KCNIP4: variants seen among roughly 807,000 people sequenced by gnomAD.
The protein encoded by KCNIP4 is potassium voltage-gated channel interacting protein 4, also known as Kv channel-interacting protein 4.
Under a neutral mutation model 34.0 loss-of-function variants are expected in KCNIP4, and 12 were observed. The observed-to-expected ratio is 0.35, with a 90% CI of 0.23 to 0.57. The LOEUF is 0.57. Ranked by LOEUF, KCNIP4 falls within the 20% of genes least tolerant of loss-of-function variation. KCNIP4 has a pLI of 0.83. For missense variants in KCNIP4, 238 were observed against 311.7 expected (o/e 0.76, Z 1.78); for synonymous variants, 124 against 102.2 (o/e 1.21, Z -1.29).
chr4:21,819,023 C>T (rs998068650), intron 1 of KCNIP4, among the ~76,000 whole-genome samples: 1 of 152,190 alleles, frequency 6.6e-6, no homozygotes, highest in African/African-American at 2.4e-5. Context: ...AGCATGACCA[C>T]ACTTTAAGCC....
At chr4:21,423,166 A>G (rs1275839788) in intron 1 of KCNIP4, among the ~76,000 whole-genome samples, 2 of 152,264 alleles carry the variant, frequency 1.3e-5, no homozygotes, top group African/African-American at 2.4e-5. Context: ...TTTCTTTTGC[A>G]CTCAGACGCT....
intron 1 of KCNIP4, among the ~76,000 whole-genome samples, chr4:21,001,632 A>C (rs1235906480): frequency 6.6e-6 from 1 of 152,082 alleles, no homozygotes; most frequent in Non-Finnish European, 1.5e-5. Flanking sequence ...AAGCAATGAC[A>C]ACAGTAATTT....
At chr4:21,434,759 T>A (rs1439873533) in intron 1 of KCNIP4, among the ~76,000 whole-genome samples, 1 of 117,670 alleles carries the variant, frequency 8.5e-6, no homozygotes, top group Non-Finnish European at 1.8e-5. Context: ...CCCACAACCC[T>A]GTCTGTGGGG....
At chr4:20,732,590 T>C (rs1274612490) in intron 7 of KCNIP4, 91 bp downstream of exon 7, 1 of 787,026 alleles carries the variant, frequency 1.3e-6, no homozygotes, top group African/African-American at 1.7e-5. Flanking sequence ...TTATTTTCCT[T>C]TGCTCTCTTT....
intron 1 of KCNIP4, among the ~76,000 whole-genome samples, chr4:21,067,585 A>C (rs1209234091): frequency 6.6e-6 from 1 of 152,146 alleles, no homozygotes; most frequent in Non-Finnish European, 1.5e-5. Context: ...GAAGGACATA[A>C]GCCTGGATAA....
intron 1 of KCNIP4, among the ~76,000 whole-genome samples, chr4:21,694,421 T>C (rs1480266305): frequency 1.3e-5 from 2 of 152,114 alleles, no homozygotes; most frequent in Non-Finnish European, 2.9e-5. Flanking sequence ...TTGCTATACA[T>C]AACAAATAAA....
In KCNIP4 at chr4:21,832,832, T is replaced by C. The variant is rs1723078893; in HGVS notation, c.61+115739A>G. Among the ~76,000 whole-genome samples, 5 of 148,886 alleles carry C rather than the reference T, an allele frequency of 3.4e-5. No homozygotes were observed. In the South Asian group the frequency reaches 1.1e-3, roughly 32 times the overall value. On this transcript the variant is annotated intron_variant, in intron 1 of 8. Transcript: ENST00000382152. ...TTCAATTCCCACCTATGAGTGAGAA[T>C]ATGCGGTGTTTGGTTTTTTGTTCTT... is the stretch of plus-strand genomic sequence containing the variant.
chr4:21,060,025 A>G (rs1743776244), intron 1 of KCNIP4, among the ~76,000 whole-genome samples: 1 of 152,178 alleles, frequency 6.6e-6, no homozygotes, highest in African/African-American at 2.4e-5. Context: ...TATGGGAACA[A>G]CCTATACCTA....
At chr4:21,940,176 G>GACTGAAATGTAAGGTTTA (rs1730123334) in intron 1 of KCNIP4, among the ~76,000 whole-genome samples, 1 of 152,158 alleles carries the variant, frequency 6.6e-6, no homozygotes, top group Non-Finnish European at 1.5e-5. Flanking sequence ...ATAATGTAAT[G>GACTGAAATGTAAGGTTTA]TCTTTAGGTG....
intron 1 of KCNIP4, among the ~76,000 whole-genome samples, chr4:21,514,715 TA>T (rs951960633): frequency 2.0e-5 from 3 of 151,818 alleles, no homozygotes; most frequent in Non-Finnish European, 4.4e-5. Flanking sequence ...ACTGTTAAAT[TA>T]AAACAAAAAA....
chr4:21,052,992 G>T (rs532959434), intron 1 of KCNIP4, among the ~76,000 whole-genome samples: 1 of 151,678 alleles, frequency 6.6e-6, no homozygotes, highest in South Asian at 2.1e-4. Context: ...AGATCAATCT[G>T]AGAGAGAAAG....
chr4:21,591,457 C>A (rs1163261339), intron 1 of KCNIP4, among the ~76,000 whole-genome samples: 1 of 151,922 alleles, frequency 6.6e-6, no homozygotes, highest in African/African-American at 2.4e-5. Flanking sequence ...TTTGTAACTA[C>A]GTAAATTAAA....
chr4:21,780,288 T>A (rs1004373809), intron 1 of KCNIP4, among the ~76,000 whole-genome samples: 1 of 151,922 alleles, frequency 6.6e-6, no homozygotes, highest in South Asian at 2.1e-4. Flanking sequence ...CTTGCCCAAC[T>A]CCCAAAGGGT....
chr4:20,972,941 A>G (rs1018869502), intron 1 of KCNIP4, among the ~76,000 whole-genome samples: 5 of 152,214 alleles, frequency 3.3e-5, no homozygotes, highest in African/African-American at 1.2e-4. Flanking sequence ...TCAAACTAGA[A>G]CAAATGAGGA....
intron 1 of KCNIP4, among the ~76,000 whole-genome samples, chr4:21,294,379 G>C (rs1022902664): frequency 2.0e-5 from 3 of 152,120 alleles, no homozygotes; most frequent in Non-Finnish European, 2.9e-5. Flanking sequence ...CACTACAACT[G>C]TGTCATCGCA....
At chr4:21,719,798 C>T (rs560258679) in intron 1 of KCNIP4, among the ~76,000 whole-genome samples, 15 of 151,818 alleles carry the variant, frequency 9.9e-5, no homozygotes, top group African/African-American at 2.2e-4. Context: ...CCCATCTCTA[C>T]GAAAACTACA....
chr4:21,528,863 GGAAGGA>G (rs1736405171), intron 1 of KCNIP4, among the ~76,000 whole-genome samples: 2 of 148,824 alleles, frequency 1.3e-5, no homozygotes, highest in Admixed American at 6.7e-5. Flanking sequence ...AAGGAAGGAA[GGAAGGA>G]AGGGAAATTC....
At chr4:21,468,273 A>G (rs1730161524) in intron 1 of KCNIP4, among the ~76,000 whole-genome samples, 1 of 151,196 alleles carries the variant, frequency 6.6e-6, no homozygotes, top group African/African-American at 2.4e-5. Flanking sequence ...AGGAAGAAGA[A>G]GAGAATAAAT....
At chr4:21,222,946 G>A (rs1314305209) in intron 1 of KCNIP4, among the ~76,000 whole-genome samples, 13 of 152,208 alleles carry the variant, frequency 8.5e-5, no homozygotes, top group Admixed American at 7.2e-4. Flanking sequence ...TAAAGCAGCA[G>A]GCTCTGCAGC....
Sources: gnomAD v4.1 joint callset for allele counts (sites outside exome capture counted in the v4.1 genomes callset) on GRCh38, gnomAD v4.1.1 for gene constraint, MANE v1.5 for transcripts, NCBI Gene and HGNC (gene_info 2026-07-23, HGNC 2026-07-21) for gene names.